Variants in DNAH3 observed in about 807,000 individuals in gnomAD.
The protein encoded by DNAH3 is axonemal beta dynein heavy chain 3.
In DNAH3, 332 loss-of-function variants were observed where a neutral mutation model predicts 432.5. That is an observed-to-expected ratio of 0.77 (90% CI 0.70 to 0.84). The LOEUF is 0.84. Ranked by LOEUF, DNAH3 falls within the 40% of genes least tolerant of loss-of-function variation. DNAH3 has a pLI of 0.00. For missense variants in DNAH3, 4,861 were observed against 5,114.0 expected (o/e 0.95, Z 1.51); for synonymous variants, 1,956 against 1,900.2 (o/e 1.03, Z -0.76).
At chr16:21,014,566 A>G (rs2087770357) in intron 41 of DNAH3, among the ~76,000 whole-genome samples, 1 of 152,180 alleles carries the variant, frequency 6.6e-6, no homozygotes, top group African/African-American at 2.4e-5. Flanking sequence ...GCCCTTTTTC[A>G]TTACTTCTGT....
At chr16:21,128,880 AAAAAG>A (rs762972564) in intron 7 of DNAH3, among the ~76,000 whole-genome samples, 5,463 of 89,308 alleles carry the variant, frequency 0.061, 165 homozygotes, top group East Asian at 0.21. Context: ...AAAAAAAAAA[AAAAAG>A]CTTGTGGAGC....
In DNAH3 at chr16:21,054,459, G is replaced by A. The variant is rs778730326; in HGVS notation, c.4000C>T (p.Arg1334Ter). ...ACCGTGAGGGCCCCGAGAGTGAGTCGAGCTCCACTGCTCAGCTTCCCTCGC... is the reference window on the plus strand; with the variant it reads ...ACCGTGAGGGCCCCGAGAGTGAGTCAAGCTCCACTGCTCAGCTTCCCTCGC... The change falls in exon 28 of 62, where the codon CGA (arginine) becomes TGA (stop). Residue 1334 changes from arginine to a stop codon, truncating the protein, a stop_gained. Transcript: ENST00000261383. LOFTEE classifies it high-confidence loss of function. 1.5e-5 allele frequency: 25 copies of A among 1,613,998 alleles called. No individual in the cohort carries two copies. The highest frequency in any genetic ancestry group is 2.7e-5 in the African/African-American group (2 of 74,900).
At chr16:21,133,312 G>A (rs375025351) in intron 7 of DNAH3, among the ~76,000 whole-genome samples, 1 of 143,404 alleles carries the variant, frequency 7.0e-6, no homozygotes, top group South Asian at 2.2e-4. Flanking sequence ...GCAGTGAATC[G>A]AGATTATGCC....
intron 27 of DNAH3, 44 bp from the exon 28 acceptor site, chr16:21,054,578 C>A: frequency 7.0e-7 from 1 of 1,431,368 alleles, no homozygotes; most frequent in Non-Finnish European, 9.8e-7. Flanking sequence ...ATTTGACTCT[C>A]CTCTGGTAAT....
At chr16:20,964,413 C>G in exon 53 of DNAH3, 1 of 1,614,160 alleles carries the variant, frequency 6.2e-7, no homozygotes, top group Non-Finnish European at 8.5e-7. Flanking sequence ...TGTTTTCACC[C>G]AGCCTCATGT....
intron 1 of DNAH3, among the ~76,000 whole-genome samples, chr16:21,149,331 T>C (rs1213937794): frequency 1.3e-5 from 2 of 152,200 alleles, no homozygotes; most frequent in African/African-American, 2.4e-5. Context: ...ATTGGCTTAG[T>C]TATTATCTAC....
exon 3 of DNAH3, chr16:21,145,230 G>T: frequency 6.2e-7 from 1 of 1,613,192 alleles, no homozygotes; most frequent in Non-Finnish European, 8.5e-7. Context: ...CACTGATGGT[G>T]GCCGGTTGGT....
chr16:21,115,887 A>AT (rs2092187337), intron 12 of DNAH3, among the ~76,000 whole-genome samples: 1 of 152,080 alleles, frequency 6.6e-6, no homozygotes, highest in African/African-American at 2.4e-5. Context: ...TGAGGCCATG[A>AT]TTTTTTGACT....
intron 14 of DNAH3, among the ~76,000 whole-genome samples, chr16:21,109,734 CTT>C (rs557821553): frequency 9.7e-5 from 14 of 143,632 alleles, no homozygotes; most frequent in African/African-American, 3.6e-4. Context: ...ATACCTCTCT[CTT>C]TTTTTTTTTT....
chr16:21,052,154 G>A (rs1267173868), intron 28 of DNAH3, among the ~76,000 whole-genome samples: 2 of 152,008 alleles, frequency 1.3e-5, no homozygotes, highest in African/African-American at 4.8e-5. Flanking sequence ...ACCACACCTG[G>A]CTAATTTTTG....
chr16:21,033,021 G>C (rs1167824096), intron 36 of DNAH3, among the ~76,000 whole-genome samples: 8 of 151,994 alleles, frequency 5.3e-5, no homozygotes, highest in Admixed American at 5.2e-4. Flanking sequence ...CAATTGCAGT[G>C]CAGTGCGCAA....
chr16:20,936,790 C>T (rs1332152304), exon 60 of DNAH3: 1 of 1,613,712 alleles, frequency 6.2e-7, no homozygotes, highest in Non-Finnish European at 8.5e-7. Flanking sequence ...CCGAGGACAT[C>T]AGGACCTGTC....
intron 44 of DNAH3, 73 bp from the exon 45 acceptor site, chr16:20,988,138 C>T: frequency 1.3e-6 from 2 of 1,585,482 alleles, no homozygotes; most frequent in Non-Finnish European, 1.7e-6. Context: ...CCCTAGGATG[C>T]ACACGAGGTG....
exon 17 of DNAH3, chr16:21,098,708 G>T: frequency 6.2e-7 from 1 of 1,613,764 alleles, no homozygotes; most frequent in Admixed American, 1.7e-5. Context: ...ATCACTTCGC[G>T]CTTCCTAAAA....
In DNAH3 at chr16:21,049,700, G is replaced by A; in HGVS notation, c.4348-18C>T. 1 of 1,606,290 alleles carries A rather than the reference G, an allele frequency of 6.2e-7. No homozygotes were observed. The highest frequency in any genetic ancestry group is 8.5e-7 in the Non-Finnish European group (1 of 1,172,860). On this transcript the variant is annotated intron_variant, in intron 30 of 61. Coordinates refer to ENST00000261383, the Ensembl canonical transcript of DNAH3. ...ACCACACACTAGAAAGAGGGAGGAT[G>A]TGGGTATCATTCAGGGTGGATTCCA...
At chr16:21,038,066 C>T (rs80246148) in intron 33 of DNAH3, 86 bp from the exon 34 acceptor site, 98,870 of 1,191,828 alleles carry the variant, frequency 0.083, 4,738 homozygotes, top group Admixed American at 0.13. Context: ...GTCCTTGCCC[C>T]GTCAGCAACC....
intron 41 of DNAH3, among the ~76,000 whole-genome samples, chr16:21,018,884 C>T (rs1249767931): frequency 6.8e-6 from 1 of 146,674 alleles, no homozygotes; most frequent in Non-Finnish European, 1.5e-5. Context: ...AAGAGAGCAA[C>T]ACTCTATCTC....
At chr16:21,084,314 CTTTA>C (rs71666850) in intron 19 of DNAH3, among the ~76,000 whole-genome samples, 25,049 of 151,102 alleles carry the variant, frequency 0.17, 2,387 homozygotes, top group African/African-American at 0.26. Flanking sequence ...AATTTTTTTA[CTTTA>C]TTTATTTATT....
chr16:21,031,632 T>C (rs1337850669), intron 36 of DNAH3, among the ~76,000 whole-genome samples: 1 of 152,042 alleles, frequency 6.6e-6, no homozygotes, highest in Non-Finnish European at 1.5e-5. Context: ...CTGAGACATC[T>C]GGATAGGCAA....
Sources: allele counts gnomAD v4.1 joint callset (sites outside exome capture counted in the v4.1 genomes callset), GRCh38; gene constraint gnomAD v4.1.1; transcripts MANE v1.5; gene names NCBI Gene and HGNC (gene_info 2026-07-23, HGNC 2026-07-21).